DSCAM: variants seen among roughly 807,000 people sequenced by gnomAD.
The protein encoded by DSCAM is cell adhesion molecule DSCAM.
DSCAM carries 47 observed loss-of-function variants against 217.7 expected under a neutral mutation model. The observed-to-expected ratio is 0.22, with a 90% CI of 0.17 to 0.28. The LOEUF is 0.28. DSCAM is among the 10% of genes least tolerant of loss of function. The pLI is 1.00. For missense variants in DSCAM, 2,080 were observed against 2,618.3 expected (o/e 0.79, Z 4.49); for synonymous variants, 1,056 against 1,015.3 (o/e 1.04, Z -0.76).
At chr21:40,155,484 G>A (rs1277603787) in intron 16 of DSCAM, among the ~76,000 whole-genome samples, 2 of 152,286 alleles carry the variant, frequency 1.3e-5, no homozygotes, top group Admixed American at 6.5e-5. Context: ...GCCCTGTAAC[G>A]GCAGTGTGGC....
At chr21:40,697,527 G>A (rs1469357612) in intron 2 of DSCAM, among the ~76,000 whole-genome samples, 2 of 152,074 alleles carry the variant, frequency 1.3e-5, no homozygotes, top group Non-Finnish European at 2.9e-5. Flanking sequence ...TAAAGACAGG[G>A]ATCTAGTTTC....
chr21:40,720,033 A>G (rs575526532), intron 1 of DSCAM, among the ~76,000 whole-genome samples: 4 of 152,370 alleles, frequency 2.6e-5, no homozygotes, highest in Middle Eastern at 3.4e-3. Context: ...AGAAACAAAA[A>G]GACATTTTGA....
chr21:40,148,100 G>C (rs533951353), intron 16 of DSCAM, among the ~76,000 whole-genome samples: 1 of 152,140 alleles, frequency 6.6e-6, no homozygotes. Flanking sequence ...ACAAACAAGA[G>C]AGCTCTCCTC....
At chr21:40,415,975 C>T (rs762467588) in intron 3 of DSCAM, among the ~76,000 whole-genome samples, 2 of 152,196 alleles carry the variant, frequency 1.3e-5, no homozygotes, top group Non-Finnish European at 2.9e-5. Flanking sequence ...TACAGGCACA[C>T]AGGATTACTT....
At chr21:40,638,898 G>T (rs2089842319) in intron 3 of DSCAM, among the ~76,000 whole-genome samples, 1 of 100,226 alleles carries the variant, frequency 1.0e-5, no homozygotes, top group Non-Finnish European at 2.5e-5. Flanking sequence ...TTTAAAAATA[G>T]AAGGAGGCCC....
intron 3 of DSCAM, among the ~76,000 whole-genome samples, chr21:40,621,854 G>T (rs531251327): frequency 7.3e-6 from 1 of 136,368 alleles, no homozygotes; most frequent in African/African-American, 2.7e-5. Flanking sequence ...ATGTGAACTG[G>T]CACTGAATGA....
chr21:40,230,838 T>C (rs77829693), intron 11 of DSCAM, among the ~76,000 whole-genome samples: 2,185 of 152,182 alleles, frequency 0.014, 69 homozygotes, highest in African/African-American at 0.05. Flanking sequence ...TCCATACTTA[T>C]GATTAAATCT....
intron 10 of DSCAM, among the ~76,000 whole-genome samples, chr21:40,284,429 G>T (rs1055408509): frequency 6.6e-6 from 1 of 152,168 alleles, no homozygotes; most frequent in Non-Finnish European, 1.5e-5. Context: ...TCTAAACTCT[G>T]CCCTAAATTG....
At chr21:40,033,107 G>C (rs577667479) in intron 32 of DSCAM, among the ~76,000 whole-genome samples, 33 of 152,332 alleles carry the variant, frequency 2.2e-4, no homozygotes, top group African/African-American at 7.7e-4. Context: ...ATACCTCAGA[G>C]TATAAGAAGG....
intron 11 of DSCAM, among the ~76,000 whole-genome samples, chr21:40,198,229 C>T (rs1211843820): frequency 6.6e-6 from 1 of 152,198 alleles, no homozygotes; most frequent in Non-Finnish European, 1.5e-5. Flanking sequence ...GAAAAAGGTG[C>T]CATTAAAGTT....
intron 3 of DSCAM, among the ~76,000 whole-genome samples, chr21:40,500,030 C>T (rs866166151): frequency 2.0e-5 from 3 of 152,094 alleles, no homozygotes; most frequent in Non-Finnish European, 4.4e-5. Flanking sequence ...CCACCTGCCT[C>T]GGTCTCCCAA....
chr21:40,212,189 C>T (rs1198995624), intron 11 of DSCAM, among the ~76,000 whole-genome samples: 1 of 151,934 alleles, frequency 6.6e-6, no homozygotes, highest in South Asian at 2.1e-4. Flanking sequence ...AGGCTGATCT[C>T]GAATTCCTGA....
intron 19 of DSCAM, 145 bp downstream of exon 19, chr21:40,133,709 T>C: frequency 1.2e-6 from 1 of 839,882 alleles, no homozygotes; most frequent in Non-Finnish European, 1.7e-6. Flanking sequence ...AAGTTAATGG[T>C]CTGAATTGCA....
chr21:40,666,524 T>TG (rs1481317784), intron 3 of DSCAM, among the ~76,000 whole-genome samples: 1 of 152,224 alleles, frequency 6.6e-6, no homozygotes, highest in Non-Finnish European at 1.5e-5. Context: ...CACCAACACC[T>TG]GTTCTTCCTC....
At chr21:40,239,237 G>GT (rs2073116808) in intron 11 of DSCAM, among the ~76,000 whole-genome samples, 1 of 152,084 alleles carries the variant, frequency 6.6e-6, no homozygotes, top group Non-Finnish European at 1.5e-5. Flanking sequence ...AGGAAAATTA[G>GT]TTTTTCCTTT....
chr21:40,408,811 G>A (rs926814839), intron 3 of DSCAM, among the ~76,000 whole-genome samples: 6 of 152,142 alleles, frequency 3.9e-5, no homozygotes, highest in African/African-American at 1.2e-4. Context: ...CATGATGCCA[G>A]TCATAATTTT....
At chr21:40,269,089 A>G (rs1247325223) in intron 11 of DSCAM, among the ~76,000 whole-genome samples, 10 of 152,026 alleles carry the variant, frequency 6.6e-5, no homozygotes, top group Admixed American at 6.6e-4. Context: ...GCTGAATCGC[A>G]CTCCATGAAT....
At chr21:40,213,274 A>G (rs2091203360) in intron 11 of DSCAM, among the ~76,000 whole-genome samples, 1 of 152,214 alleles carries the variant, frequency 6.6e-6, no homozygotes, top group African/African-American at 2.4e-5. Flanking sequence ...ATCACCCCAG[A>G]AGCATGGACA....
intron 3 of DSCAM, among the ~76,000 whole-genome samples, chr21:40,391,198 TACCAGGGGCTGG>T (rs1248948348): frequency 6.6e-6 from 1 of 152,186 alleles, no homozygotes; most frequent in East Asian, 1.9e-4. Flanking sequence ...GCTATTGCCT[TACCAGGGGCTGG>T]ACTCATGGCT....
Sources: allele counts gnomAD v4.1 joint callset (sites outside exome capture counted in the v4.1 genomes callset), GRCh38; gene constraint gnomAD v4.1.1; transcripts MANE v1.5; gene names NCBI Gene and HGNC (gene_info 2026-07-23, HGNC 2026-07-21).